DCAF8L2: variants seen among roughly 807,000 people sequenced by gnomAD.
DCAF8L2 encodes the protein DDB1 and CUL4 associated factor 8 like 2.
For missense variants in DCAF8L2, 430 were observed against 490.7 expected (o/e 0.88, Z 1.17); for synonymous variants, 200 against 190.9 (o/e 1.05, Z -0.39).
chrX:27,531,532 T>C, the DCAF8L2 span, among the ~76,000 whole-genome samples: 1 of 110,298 alleles, frequency 9.1e-6, no homozygotes, highest in Non-Finnish European at 1.9e-5. Flanking sequence ...ACAATAAAAA[T>C]TGGAAATATA....
At chrX:27,708,988 C>T (rs367605878) in intron 3 of DCAF8L2, among the ~76,000 whole-genome samples, 12 of 112,450 alleles carry the variant, frequency 1.1e-4, no homozygotes, top group African/African-American at 3.6e-4. Context: ...GGCGTGATCT[C>T]GGCTCACCAC....
At chrX:27,489,334 T>C in the DCAF8L2 span, among the ~76,000 whole-genome samples, 1 of 111,657 alleles carries the variant, frequency 9.0e-6, no homozygotes. Context: ...CCTGACCTCG[T>C]GATCTGCCCG....
intron 2 of DCAF8L2, among the ~76,000 whole-genome samples, chrX:27,668,872 T>C (rs1261320958): frequency 9.2e-6 from 1 of 108,686 alleles, no homozygotes; most frequent in Non-Finnish European, 1.9e-5. Context: ...GAGGTGGAGG[T>C]TGCAGTGAGC....
At chrX:27,563,839 A>G in the DCAF8L2 span, among the ~76,000 whole-genome samples, 2 of 112,158 alleles carry the variant, frequency 1.8e-5, no homozygotes, top group African/African-American at 6.5e-5. Flanking sequence ...TGACTTTCTC[A>G]TACAGTATGT....
chrX:27,544,102 A>G, the DCAF8L2 span, among the ~76,000 whole-genome samples: 2 of 111,574 alleles, frequency 1.8e-5, no homozygotes, highest in Non-Finnish European at 3.8e-5. Context: ...AGTAATTTTT[A>G]TCATTTAGTG....
At chrX:27,488,064 T>A in the DCAF8L2 span, among the ~76,000 whole-genome samples, 2 of 112,282 alleles carry the variant, frequency 1.8e-5, no homozygotes, top group African/African-American at 6.5e-5. Context: ...ATTTTATGAA[T>A]CAATTTTCCA....
chrX:27,646,511 T>C (rs1410135128), intron 2 of DCAF8L2, among the ~76,000 whole-genome samples: 1 of 111,610 alleles, frequency 9.0e-6, no homozygotes, highest in Admixed American at 9.6e-5. Flanking sequence ...TGGGCAAAGA[T>C]TTTATGATGA....
chrX:27,636,036 G>T (rs1179977496), intron 2 of DCAF8L2, among the ~76,000 whole-genome samples: 1 of 111,034 alleles, frequency 9.0e-6, no homozygotes, highest in East Asian at 2.8e-4. Flanking sequence ...TGGTCTTGAA[G>T]TCCTGACCTC....
chrX:27,502,778 T>G, the DCAF8L2 span, among the ~76,000 whole-genome samples: 1 of 111,301 alleles, frequency 9.0e-6, no homozygotes, highest in African/African-American at 3.3e-5. Context: ...TCTACAGTTT[T>G]GGGAAAGATA....
chrX:27,606,250 TTA>T (rs760094249), intron 1 of DCAF8L2, among the ~76,000 whole-genome samples: 3,472 of 84,153 alleles, frequency 0.041, 256 homozygotes, highest in African/African-American at 0.15. Flanking sequence ...TATATAGGAA[TTA>T]TATATATATA....
the DCAF8L2 span, among the ~76,000 whole-genome samples, chrX:27,491,748 G>GT: frequency 0.18 from 19,840 of 108,490 alleles, 1,610 homozygotes; most frequent in East Asian, 0.36. Context: ...TACTTTCAGT[G>GT]TTTTTTTTTA....
At chrX:27,565,296 T>A in the DCAF8L2 span, among the ~76,000 whole-genome samples, 1 of 111,248 alleles carries the variant, frequency 9.0e-6, no homozygotes, top group Non-Finnish European at 1.9e-5. Flanking sequence ...TTTTTCTGAG[T>A]CTATTGAGAT....
intron 3 of DCAF8L2, among the ~76,000 whole-genome samples, chrX:27,703,786 G>A (rs1482004599): frequency 2.7e-5 from 3 of 109,376 alleles, no homozygotes; most frequent in African/African-American, 1.0e-4. Flanking sequence ...ATAAAACATA[G>A]GAATAAATCT....
At position 27,695,989 on chromosome X, in the gene DCAF8L2, G is replaced by T. The variant is rs185568289; in HGVS notation, c.-143+18077G>T. Among the ~76,000 whole-genome samples the T allele has an allele frequency of 1.6e-3, 174 of 109,528 alleles. 1 individual carries two copies. Among genetic ancestry groups the T allele is most frequent in the African/African-American group, 5.4e-3 (162 of 30,080 alleles). Reference sequence around the variant, plus strand: ...GCAGACAGATCACTTGAAATCAGGAGTTTGAGACCAGCCTGGCCAACATAG... The same window carrying T: ...GCAGACAGATCACTTGAAATCAGGATTTTGAGACCAGCCTGGCCAACATAG... On this transcript the variant is annotated intron_variant, in intron 3 of 4. Transcript: ENST00000451261.
chrX:27,590,991 T>TTTTATATATATATATATATA lies in DCAF8L2; in HGVS notation c.-342+552_-342+553insTTATATATATATATATATAT, dbSNP rs761150025. 2.2e-3 allele frequency among the ~76,000 whole-genome samples: 151 copies of TTTTATATATATATATATATA among 68,019 alleles called. 7 individuals carry two copies. The Admixed American group carries it at 0.027, about 12-fold the overall frequency. 59.1% of individuals were successfully genotyped at this position (68,019 alleles called of 115,157 possible). A position where few individuals can be genotyped will look rare whatever the true frequency, so the allele number is the denominator to read the frequency against. ...AAATGTTTATAAAAGCCTTTACATT[T>TTTTATATATATATATATATA]TATATATATATATATATATATATAA... On this transcript the variant is annotated intron_variant, in intron 1 of 4. Coordinates refer to ENST00000451261, the MANE Select transcript of DCAF8L2 (RefSeq NM_001353450.2).
At chrX:27,576,414 C>T in the DCAF8L2 span, among the ~76,000 whole-genome samples, 5 of 111,671 alleles carry the variant, frequency 4.5e-5, no homozygotes, top group Non-Finnish European at 7.5e-5. Flanking sequence ...CTCATACATC[C>T]GGCTATATTA....
At chrX:27,479,819 C>T in the DCAF8L2 span, among the ~76,000 whole-genome samples, 2 of 112,065 alleles carry the variant, frequency 1.8e-5, no homozygotes, top group Non-Finnish European at 3.8e-5. Context: ...TTTCACTATA[C>T]GACAGCAGTG....
At chrX:27,503,004 A>T in the DCAF8L2 span, among the ~76,000 whole-genome samples, 1 of 111,924 alleles carries the variant, frequency 8.9e-6, no homozygotes, top group Non-Finnish European at 1.9e-5. Context: ...AAGAAAGAGG[A>T]GAAAGAAGAG....
chrX:27,528,067 TA>T, the DCAF8L2 span, among the ~76,000 whole-genome samples: 1 of 105,837 alleles, frequency 9.4e-6, no homozygotes, highest in African/African-American at 3.4e-5. Context: ...ATTAAATTTT[TA>T]ATTTAATTAA....
Sources: allele counts gnomAD v4.1 joint callset (sites outside exome capture counted in the v4.1 genomes callset), GRCh38; gene constraint gnomAD v4.1.1; transcripts MANE v1.5; gene names NCBI Gene and HGNC (gene_info 2026-07-23, HGNC 2026-07-21).